The following NAV2 variants were observed in gnomAD, a reference collection of about 807,000 sequenced individuals.
NAV2 encodes helicase, APC down-regulated 1.
NAV2 carries 54 observed loss-of-function variants against 223.2 expected under a neutral mutation model. That is an observed-to-expected ratio of 0.24 (90% confidence interval 0.19 to 0.30). The LOEUF is 0.30. Among genes scored for constraint, NAV2 ranks in the 10% least tolerant of loss-of-function variants. NAV2 has a pLI of 1.00. For missense variants in NAV2, 2,806 were observed against 3,147.5 expected (o/e 0.89, Z 2.60); for synonymous variants, 1,279 against 1,239.3 (o/e 1.03, Z -0.67).
chr11:19,641,482 A>C (rs968310060), intron 1 of NAV2, among the ~76,000 whole-genome samples: 1 of 151,960 alleles, frequency 6.6e-6, no homozygotes, highest in Non-Finnish European at 1.5e-5. Context: ...CTCAGCAGCC[A>C]ATGAGTTGAA....
intron 11 of NAV2, among the ~76,000 whole-genome samples, chr11:20,011,105 T>A (rs1472812492): frequency 1.3e-5 from 2 of 152,136 alleles, no homozygotes; most frequent in Non-Finnish European, 2.9e-5. Context: ...GCCATCAAAC[T>A]AGCAAAGACG....
intron 6 of NAV2, among the ~76,000 whole-genome samples, chr11:19,914,576 C>T (rs909291252): frequency 2.3e-4 from 34 of 148,490 alleles, no homozygotes; most frequent in African/African-American, 5.2e-4. Context: ...CTCGCTCTGT[C>T]GCCCAGGCCG....
intron 1 of NAV2, among the ~76,000 whole-genome samples, chr11:19,764,097 A>T (rs2152555099): frequency 6.6e-6 from 1 of 152,340 alleles, no homozygotes; most frequent in Admixed American, 6.5e-5. Flanking sequence ...GAACAAGTGG[A>T]TTGGCACAGG....
intron 1 of NAV2, among the ~76,000 whole-genome samples, chr11:19,402,402 G>A (rs566884674): frequency 5.3e-5 from 8 of 152,268 alleles, no homozygotes; most frequent in African/African-American, 9.6e-5. Context: ...TTGAAACAGC[G>A]AACACTTTGT....
intron 1 of NAV2, among the ~76,000 whole-genome samples, chr11:19,483,020 T>C (rs1467780830): frequency 2.6e-5 from 4 of 152,214 alleles, no homozygotes; most frequent in African/African-American, 9.6e-5. Flanking sequence ...TCCCATGTCT[T>C]AAAATGAATA....
intron 11 of NAV2, among the ~76,000 whole-genome samples, chr11:20,016,832 A>C (rs371170503): frequency 2.0e-4 from 4 of 20,242 alleles, no homozygotes; most frequent in Admixed American, 8.7e-4. Flanking sequence ...CCTGTCTACT[A>C]AAATACAAAA....
chr11:19,775,783 G>A (rs2056104840), intron 1 of NAV2, among the ~76,000 whole-genome samples: 1 of 152,170 alleles, frequency 6.6e-6, no homozygotes, highest in Non-Finnish European at 1.5e-5. Flanking sequence ...GTGCTCCGGG[G>A]AGTGGGACTA....
chr11:19,899,269 T>C (rs2042252847), intron 6 of NAV2, among the ~76,000 whole-genome samples: 1 of 152,218 alleles, frequency 6.6e-6, no homozygotes, highest in African/African-American at 2.4e-5. Flanking sequence ...CAGCACTATG[T>C]CATGTCTGAG....
At chr11:19,398,497 C>T (rs1849555520) in intron 1 of NAV2, among the ~76,000 whole-genome samples, 1 of 152,152 alleles carries the variant, frequency 6.6e-6, no homozygotes, top group South Asian at 2.1e-4. Flanking sequence ...ACATAGCTGG[C>T]TTTCCCACGT....
At chr11:19,512,243 G>A (rs923514069) in intron 1 of NAV2, among the ~76,000 whole-genome samples, 1 of 152,232 alleles carries the variant, frequency 6.6e-6, no homozygotes, top group Non-Finnish European at 1.5e-5. Context: ...AAGGGTGGCA[G>A]TTTGTCTTGA....
chr11:19,544,150 A>C (rs534356539), intron 1 of NAV2, among the ~76,000 whole-genome samples: 1 of 152,230 alleles, frequency 6.6e-6, no homozygotes, highest in Non-Finnish European at 1.5e-5. Flanking sequence ...TGAGTGTATG[A>C]ATGAATATTT....
intron 1 of NAV2, among the ~76,000 whole-genome samples, chr11:19,540,054 T>G (rs574371042): frequency 6.6e-6 from 1 of 152,278 alleles, no homozygotes; most frequent in South Asian, 2.1e-4. Context: ...TCCCAGCAAC[T>G]GAGGGGGTAA....
At chr11:19,639,470 C>A (rs188527952) in intron 1 of NAV2, among the ~76,000 whole-genome samples, 1 of 152,242 alleles carries the variant, frequency 6.6e-6, no homozygotes, top group Admixed American at 6.5e-5. Flanking sequence ...TATAGAATGG[C>A]AAAATATTTT....
rs573126948 is a variant in NAV2 at position 20,071,328 on chromosome 11, A to T, written c.4983+2930A>T. 2.2e-4 allele frequency among the ~76,000 whole-genome samples: 33 copies of T among 152,252 alleles called. 2 individuals are homozygous for T. The South Asian group carries it at 6.6e-3, about 31-fold the overall frequency. ...ATGGCTGCATAGAATTCCATGGTGT[A>T]TATGTGCCACATGTCTTTATCCACT... On this transcript the variant is annotated intron_variant, in intron 22 of 37. Transcript: ENST00000349880.
At chr11:20,062,408 C>A in intron 20 of NAV2, 49 bp downstream of exon 20, 2 of 1,417,310 alleles carry the variant, frequency 1.4e-6, no homozygotes, top group South Asian at 1.3e-5. Flanking sequence ...AACTGGGGTT[C>A]CTTTATCAAA....
intron 1 of NAV2, among the ~76,000 whole-genome samples, chr11:19,619,180 C>A (rs1284360301): frequency 6.6e-6 from 1 of 151,342 alleles, no homozygotes. Flanking sequence ...TGGGTTGGTT[C>A]CAAGTCTTTG....
intron 6 of NAV2, among the ~76,000 whole-genome samples, chr11:19,919,413 C>G (rs989973669): frequency 1.3e-5 from 2 of 151,986 alleles, no homozygotes; most frequent in Non-Finnish European, 2.9e-5. Flanking sequence ...AGTCACCACT[C>G]CAGACAGTGA....
intron 5 of NAV2, among the ~76,000 whole-genome samples, chr11:19,882,436 A>G (rs954785260): frequency 1.3e-5 from 2 of 152,210 alleles, no homozygotes; most frequent in African/African-American, 2.4e-5. Flanking sequence ...GAGAGCAGGT[A>G]TGCATTATGA....
chr11:19,631,812 G>C (rs538706338), intron 1 of NAV2, among the ~76,000 whole-genome samples: 10 of 152,240 alleles, frequency 6.6e-5, no homozygotes, highest in African/African-American at 2.4e-4. Context: ...TTTGCAATCC[G>C]AGGGCAAGGA....
Sources: gnomAD v4.1 joint callset for allele counts (sites outside exome capture counted in the v4.1 genomes callset) on GRCh38, gnomAD v4.1.1 for gene constraint, MANE v1.5 for transcripts, NCBI Gene and HGNC (gene_info 2026-07-23, HGNC 2026-07-21) for gene names.